Variants in FAM135B observed in about 807,000 individuals in gnomAD.
FAM135B encodes protein FAM135B.
A neutral mutation model predicts 127.7 loss-of-function variants in FAM135B; 43 were observed. The ratio of observed to expected loss-of-function variants is 0.34; its 90% CI spans 0.26 to 0.43. The LOEUF (loss-of-function observed/expected upper bound fraction) is 0.43. FAM135B is among the 20% of genes least tolerant of loss of function. The pLI is 1.00. For synonymous variants in FAM135B, 670 were observed against 665.1 expected (o/e 1.01, Z -0.11); for missense variants, 1,558 against 1,725.6 (o/e 0.90, Z 1.72).
chr8:138,143,864 A>G (rs1817427760), intron 15 of FAM135B, among the ~76,000 whole-genome samples: 1 of 152,208 alleles, frequency 6.6e-6, no homozygotes, highest in Non-Finnish European at 1.5e-5. Flanking sequence ...ACAAATGTCT[A>G]TCCTGTGAAG....
At chr8:138,369,259 GA>G (rs896556413) in intron 1 of FAM135B, among the ~76,000 whole-genome samples, 3 of 152,146 alleles carry the variant, frequency 2.0e-5, no homozygotes, top group African/African-American at 7.2e-5. Flanking sequence ...GAAAGGAAGG[GA>G]ACACATGGCT....
chr8:138,330,593 C>G (rs551452314), intron 2 of FAM135B, among the ~76,000 whole-genome samples: 3 of 152,130 alleles, frequency 2.0e-5, no homozygotes, highest in Non-Finnish European at 2.9e-5. Flanking sequence ...AGCAAACCCC[C>G]TAAGCATGCT....
At chr8:138,304,916 C>T (rs7818069) in intron 3 of FAM135B, among the ~76,000 whole-genome samples, 10,287 of 152,272 alleles carry the variant, frequency 0.068, 436 homozygotes, top group Middle Eastern at 0.14. Flanking sequence ...TTAAGTGCTT[C>T]GCTTAATCAG....
At chr8:138,145,085 G>A (rs1305962847) in intron 15 of FAM135B, among the ~76,000 whole-genome samples, 3 of 152,098 alleles carry the variant, frequency 2.0e-5, no homozygotes, top group Admixed American at 1.3e-4. Flanking sequence ...TGCAATCACA[G>A]TTCACTGCAA....
At chr8:138,158,768 T>C (rs1005373164) in intron 12 of FAM135B, among the ~76,000 whole-genome samples, 84 of 152,176 alleles carry the variant, frequency 5.5e-4, no homozygotes, top group African/African-American at 1.9e-3. Flanking sequence ...GTTAGAATGG[T>C]GATCATTAAA....
At chr8:138,249,330 C>T (rs1821532262) in intron 6 of FAM135B, among the ~76,000 whole-genome samples, 1 of 152,164 alleles carries the variant, frequency 6.6e-6, no homozygotes, top group East Asian at 1.9e-4. Context: ...GTTTCTATAA[C>T]TGTGAATCTT....
chr8:138,242,478 C>T lies in FAM135B; in HGVS notation c.669+464G>A, dbSNP rs985616850. On this transcript the variant is annotated intron_variant, in intron 7 of 19. Coordinates refer to ENST00000395297, the MANE Select transcript of FAM135B (RefSeq NM_015912.4). The surrounding 1 kb of genome is among the most constrained non-coding windows in gnomAD (Gnocchi z 9.6). ...ATTGGATACCGGGCTAGGAACTTTA[C>T]ATTTATTACAACATTTGGGTACATA... Among the ~76,000 whole-genome samples, 1 of 152,006 alleles carries T rather than the reference C, an allele frequency of 6.6e-6. No individual in the cohort carries two copies. Among genetic ancestry groups the T allele is most frequent in the Non-Finnish European group, 1.5e-5 (1 of 68,008 alleles).
Position 138,481,750 on chromosome 8 carries a change from T to C in FAM135B, c.-20+14921A>G, listed in dbSNP as rs188376298. 3.3e-4 allele frequency among the ~76,000 whole-genome samples: 50 copies of C among 152,314 alleles called. No homozygotes were observed. In the East Asian group the frequency reaches 7.1e-3, roughly 22 times the overall value. ...TCCACTTGCTCCTGCCTCTGTCCCA[T>C]CAAATCCAGTGTCTGTTCAACTGGT... On this transcript the variant is annotated intron_variant, in intron 1 of 19. Coordinates refer to ENST00000395297, the MANE Select transcript of FAM135B (RefSeq NM_015912.4).
intron 2 of FAM135B, among the ~76,000 whole-genome samples, chr8:138,351,505 C>T (rs187133846): frequency 5.3e-5 from 8 of 152,150 alleles, no homozygotes; most frequent in East Asian, 3.9e-4. Flanking sequence ...AGGCATGGAA[C>T]GGATCCTCGC....
At chr8:138,399,496 A>C (rs1351875695) in intron 1 of FAM135B, among the ~76,000 whole-genome samples, 1 of 152,198 alleles carries the variant, frequency 6.6e-6, no homozygotes, top group Non-Finnish European at 1.5e-5. Context: ...GGATTCACTG[A>C]AGGAACACAG....
At chr8:138,181,441 GC>G (rs1341834823) in intron 9 of FAM135B, among the ~76,000 whole-genome samples, 2 of 151,788 alleles carry the variant, frequency 1.3e-5, no homozygotes, top group Admixed American at 6.6e-5. Flanking sequence ...TCCTGAAAAT[GC>G]CCCCCACCTC....
At chr8:138,437,014 C>T (rs1835492978) in intron 1 of FAM135B, 1 of 152,174 alleles carries the variant, frequency 6.6e-6, no homozygotes, top group Admixed American at 6.5e-5. Context: ...AGTCCAAATG[C>T]TGTGGCTTGT....
intron 7 of FAM135B, among the ~76,000 whole-genome samples, chr8:138,197,965 A>G (rs1402038339): frequency 6.6e-6 from 1 of 152,220 alleles, no homozygotes; most frequent in Non-Finnish European, 1.5e-5. Flanking sequence ...ACGAATGATC[A>G]TGAAGGTGAT....
chr8:138,471,832 C>T (rs552994090), intron 1 of FAM135B, among the ~76,000 whole-genome samples: 4 of 152,014 alleles, frequency 2.6e-5, no homozygotes, highest in South Asian at 2.1e-4. Flanking sequence ...TTAGAGATAA[C>T]GTACACCACA....
intron 9 of FAM135B, among the ~76,000 whole-genome samples, chr8:138,193,994 C>G (rs13254840): frequency 0.14 from 20,913 of 152,230 alleles, 1,539 homozygotes; most frequent in South Asian, 0.17. Flanking sequence ...ATCTAGAGCC[C>G]AGGGCCTCCT....
rs181674474 is a variant in FAM135B, at chr8:138,278,872, T to C, written c.158-13030A>G. Among the ~76,000 whole-genome samples, 5 of 152,298 alleles carry C rather than the reference T, an allele frequency of 3.3e-5. No individual in the cohort carries two copies. In the East Asian group the frequency reaches 9.6e-4, roughly 29 times the overall value. ...TTGTTGTGAGTATCAAATGAGATGA[T>C]ACAAATCAATGCCTGTGACTCACTA... is the stretch of plus-strand genomic sequence containing the variant. On this transcript the variant is annotated intron_variant, in intron 3 of 19. Transcript: ENST00000395297.
intron 3 of FAM135B, among the ~76,000 whole-genome samples, chr8:138,279,917 T>C (rs1363037282): frequency 6.6e-6 from 1 of 152,204 alleles, no homozygotes; most frequent in Non-Finnish European, 1.5e-5. Flanking sequence ...CACTTGAGTG[T>C]TAGTCTGGGG....
intron 6 of FAM135B, among the ~76,000 whole-genome samples, chr8:138,246,194 A>G (rs1821269147): frequency 6.6e-6 from 1 of 152,212 alleles, no homozygotes; most frequent in African/African-American, 2.4e-5. Flanking sequence ...CATTTTCTGG[A>G]AAGAAACTCA....
intron 1 of FAM135B, among the ~76,000 whole-genome samples, chr8:138,427,486 C>T (rs1322002995): frequency 6.6e-6 from 1 of 151,896 alleles, no homozygotes; most frequent in African/African-American, 2.4e-5. Context: ...GAACCTTGAC[C>T]TATGAGACAA....
Sources: gnomAD v4.1 joint callset for allele counts (sites outside exome capture counted in the v4.1 genomes callset) on GRCh38, gnomAD v4.1.1 for gene constraint, Gnocchi (gnomAD v3.1) non-coding constraint, MANE v1.5 for transcripts, NCBI Gene and HGNC (gene_info 2026-07-23, HGNC 2026-07-21) for gene names.